The following CC2D2A variants were observed in gnomAD, a reference collection of about 807,000 sequenced individuals.
CC2D2A encodes coiled-coil and C2 domain containing 2A.
Under a neutral mutation model 212.9 loss-of-function variants are expected in CC2D2A, and 155 were observed. That is an observed-to-expected ratio of 0.73 (90% CI 0.64 to 0.83). The LOEUF is 0.83. Ranked by LOEUF, CC2D2A falls within the 40% of genes least tolerant of loss-of-function variation. The pLI is 0.00. For synonymous variants in CC2D2A, 667 were observed against 686.5 expected, an observed-to-expected ratio of 0.97 and a Z score of 0.44; for missense variants, 1,856 against 1,956.2, an observed-to-expected ratio of 0.95 and a Z score of 0.97.
In CC2D2A at chr4:15,587,818, A is replaced by C. The variant is rs1234481040; in HGVS notation, c.4068A>C (p.Gln1356His). 3.8e-6 allele frequency: 6 copies of C among 1,593,708 alleles called. No individual in the cohort carries two copies. The highest frequency in any genetic ancestry group is 5.2e-6 in the Non-Finnish European group (6 of 1,161,780). The change falls in exon 32 of 37, where the codon CAA becomes CAC. Residue 1356 changes from glutamine to histidine, a missense_variant and splice_region_variant. Physicochemically the swap from Gln to His is conservative, Grantham distance 24 (BLOSUM62 0). Transcript: ENST00000424120. ...TAATTTTTTTTTCTTTTTGTCAGCA[A>C]TTTCTTGATCTCCTGGCAGGGGATG... ...GICDLWSTSDQFLDLLAGDEE... is the reference protein window; with the variant it reads ...GICDLWSTSDHFLDLLAGDEE...
intron 1 of CC2D2A, among the ~76,000 whole-genome samples, chr4:15,470,517 C>T (rs1423428502): frequency 6.6e-6 from 1 of 152,092 alleles, no homozygotes; most frequent in Non-Finnish European, 1.5e-5. Context: ...CTGGCTACAA[C>T]TTAAGCTGAT....
At chr4:15,475,146 C>T (rs372326410) in intron 1 of CC2D2A, among the ~76,000 whole-genome samples, 8 of 152,112 alleles carry the variant, frequency 5.3e-5, no homozygotes, top group Admixed American at 2.0e-4. Context: ...TGGTGGCATG[C>T]GCCTGTAATC....
In CC2D2A at chr4:15,596,169, T is replaced by C. The variant is rs1721311216; in HGVS notation, c.4399T>C (p.Ser1467Pro). Reference protein sequence around the residue: ...TRPKLWKSFFSRSLPYPGLSS... With the variant: ...TRPKLWKSFFPRSLPYPGLSS... ...GCCCAAGCTATGGAAATCTTTCTTTTCAAGAAGCCTTCCATATCCTGGCCT... is the reference window on the plus strand; with the variant it reads ...GCCCAAGCTATGGAAATCTTTCTTTCCAAGAAGCCTTCCATATCCTGGCCT... The change falls in exon 34 of 37, where the codon TCA (serine) becomes CCA (proline). Residue 1467 changes from serine (S) to proline (P), a missense_variant. By Grantham distance (74) the Ser-to-Pro change is moderately conservative. Coordinates refer to ENST00000424120, the MANE Select transcript of CC2D2A (RefSeq NM_001378615.1). The C allele has an allele frequency of 1.3e-6, 2 of 1,549,324 alleles. No homozygotes were observed. The highest frequency in any genetic ancestry group is 8.7e-7 in the Non-Finnish European group (1 of 1,145,794).
At position 15,507,652 on chromosome 4, in the gene CC2D2A, G is replaced by A. The variant is rs145459008; in HGVS notation, c.439-2487G>A. Among the ~76,000 whole-genome samples, 18 of 152,326 alleles carry A rather than the reference G, an allele frequency of 1.2e-4. No homozygotes were observed. The East Asian group carries it at 3.5e-3, about 29-fold the overall frequency. On this transcript the variant is annotated intron_variant, in intron 6 of 36. Coordinates refer to ENST00000424120, the MANE Select transcript of CC2D2A (RefSeq NM_001378615.1). ...GCATACACATTTATTAGTGTGCAAGGAGTAAAGATAATTACGTACCCTTCA... is the reference window on the plus strand; with the variant it reads ...GCATACACATTTATTAGTGTGCAAGAAGTAAAGATAATTACGTACCCTTCA...
intron 17 of CC2D2A, among the ~76,000 whole-genome samples, chr4:15,545,295 C>T (rs956415769): frequency 2.0e-5 from 3 of 152,120 alleles, no homozygotes; most frequent in African/African-American, 7.2e-5. Flanking sequence ...AGAAAAAGTT[C>T]TAAGATTCTC....
intron 19 of CC2D2A, among the ~76,000 whole-genome samples, chr4:15,554,045 T>A (rs1465704661): frequency 6.6e-6 from 1 of 152,224 alleles, no homozygotes; most frequent in African/African-American, 2.4e-5. Flanking sequence ...TTTAGTTCCC[T>A]TGATGCCTTC....
intron 22 of CC2D2A, among the ~76,000 whole-genome samples, chr4:15,559,663 T>C (rs1246373062): frequency 2.0e-5 from 3 of 152,288 alleles, no homozygotes; most frequent in African/African-American, 7.2e-5. Flanking sequence ...TCCTTTCGTT[T>C]GTCCTTTTTC....
chr4:15,501,477 T>C (rs1181295215), intron 4 of CC2D2A, among the ~76,000 whole-genome samples: 1 of 152,094 alleles, frequency 6.6e-6, no homozygotes, highest in East Asian at 1.9e-4. Flanking sequence ...GCTTGGGGAA[T>C]ATAGCCGAGA....
chr4:15,516,617 A>G lies in CC2D2A; in HGVS notation c.1018-8A>G. On this transcript the variant is annotated splice_region_variant and splice_polypyrimidine_tract_variant and intron_variant, in intron 10 of 36. Transcript: ENST00000424120. ...AAAATGTTGCCATTCCCTCTGCTTC[A>G]TCTACAGGAAAGAAGATGGTTTGGA... 6.2e-7 allele frequency: 1 copy of G among 1,609,828 alleles called. No individual in the cohort carries two copies. The highest frequency in any genetic ancestry group is 8.5e-7 in the Non-Finnish European group (1 of 1,177,888).
At chr4:15,531,175 T>C (rs539454680) in intron 13 of CC2D2A, among the ~76,000 whole-genome samples, 1 of 152,262 alleles carries the variant, frequency 6.6e-6, no homozygotes, top group South Asian at 2.1e-4. Context: ...AACCATCCTA[T>C]CTCACTCCTG....
At chr4:15,570,625 A>AG (rs1720115161) in intron 28 of CC2D2A, 129 bp downstream of exon 28, 1 of 564,842 alleles carries the variant, frequency 1.8e-6, no homozygotes, top group African/African-American at 1.8e-5. Context: ...GAGGCCAAGG[A>AG]GGGCACATCA....
chr4:15,535,529 CA>C (rs910082774), intron 14 of CC2D2A, among the ~76,000 whole-genome samples: 25 of 145,700 alleles, frequency 1.7e-4, no homozygotes, highest in African/African-American at 4.0e-4. Flanking sequence ...GTTTTTCCCA[CA>C]AAAAAAAAAC....
At chr4:15,553,329 G>A (rs773146560) in intron 19 of CC2D2A, 24 bp downstream of exon 19, 1 of 1,609,134 alleles carries the variant, frequency 6.2e-7, no homozygotes, top group Non-Finnish European at 8.5e-7. Context: ...AGAGTAAATT[G>A]ATGAGCAATG....
At chr4:15,479,409 A>G in intron 3 of CC2D2A, 2 of 1,137,928 alleles carry the variant, frequency 1.8e-6, no homozygotes, top group Non-Finnish European at 2.5e-6. Context: ...GCTTGGAACA[A>G]TCAAGATGCC....
chr4:15,568,571 G>C (rs1296091402), intron 26 of CC2D2A, among the ~76,000 whole-genome samples: 2 of 152,240 alleles, frequency 1.3e-5, no homozygotes, highest in Admixed American at 1.3e-4. Flanking sequence ...CTTAGCGAGA[G>C]AGCGAGACTC....
chr4:15,590,867 G>A (rs1239677977), intron 33 of CC2D2A, among the ~76,000 whole-genome samples: 1 of 152,102 alleles, frequency 6.6e-6, no homozygotes, highest in Non-Finnish European at 1.5e-5. Flanking sequence ...CTCCCAAGTA[G>A]CTGGGATCAC....
intron 28 of CC2D2A, among the ~76,000 whole-genome samples, chr4:15,573,313 C>CA (rs1211622196): frequency 6.6e-6 from 1 of 152,162 alleles, no homozygotes; most frequent in Non-Finnish European, 1.5e-5. Flanking sequence ...GTTTTTGAGA[C>CA]AGAGTCTGGT....
At chr4:15,521,023 G>C (rs1717172635) in intron 11 of CC2D2A, among the ~76,000 whole-genome samples, 2 of 152,092 alleles carry the variant, frequency 1.3e-5, no homozygotes, top group Admixed American at 1.3e-4. Flanking sequence ...CATACAAGCA[G>C]AAATAGGAAA....
intron 25 of CC2D2A, 80 bp downstream of exon 25, chr4:15,567,562 C>A: frequency 7.4e-7 from 1 of 1,353,650 alleles, no homozygotes; most frequent in Non-Finnish European, 1.0e-6. Flanking sequence ...GGATAGTCTG[C>A]TCTCTGCTTC....
Sources: gnomAD v4.1 joint callset for allele counts (sites outside exome capture counted in the v4.1 genomes callset) on GRCh38, gnomAD v4.1.1 for gene constraint, MANE v1.5 for transcripts, NCBI Gene and HGNC (gene_info 2026-07-23, HGNC 2026-07-21) for gene names.